Variants in EPHA3 observed in about 807,000 individuals in gnomAD.
EPHA3 encodes ephrin type-A receptor 3.
A neutral mutation model predicts 107.1 loss-of-function variants in EPHA3; 42 were observed. The ratio of observed to expected loss-of-function variants is 0.39; its 90% CI spans 0.31 to 0.51. The LOEUF (loss-of-function observed/expected upper bound fraction) is 0.51, where lower values mean the gene tolerates loss of function less well. Among genes scored for constraint, EPHA3 ranks in the 20% least tolerant of loss-of-function variants. The pLI, the probability that EPHA3 is intolerant of heterozygous loss-of-function variation, is 0.78. For missense variants in EPHA3, 1,183 were observed against 1,211.2 expected, an observed-to-expected ratio of 0.98 and a Z score of 0.35; for synonymous variants, 461 against 424.8, an observed-to-expected ratio of 1.09 and a Z score of -1.05.
At chr3:89,404,601 G>A (rs1368444841) in intron 7 of EPHA3, among the ~76,000 whole-genome samples, 1 of 152,140 alleles carries the variant, frequency 6.6e-6, no homozygotes, top group African/African-American at 2.4e-5. Flanking sequence ...AGACACCTAT[G>A]TAACTCATCA....
At chr3:89,345,958 A>G (rs1305372507) in intron 5 of EPHA3, among the ~76,000 whole-genome samples, 2 of 147,608 alleles carry the variant, frequency 1.4e-5, no homozygotes, top group Non-Finnish European at 3.0e-5. Flanking sequence ...ATCATTTTTT[A>G]TGGCTGCATA....
intron 5 of EPHA3, among the ~76,000 whole-genome samples, chr3:89,358,219 A>G (rs1708008949): frequency 6.6e-6 from 1 of 151,116 alleles, no homozygotes; most frequent in African/African-American, 2.4e-5. Flanking sequence ...TTATGGCTAC[A>G]TTGAGATATT....
intron 2 of EPHA3, among the ~76,000 whole-genome samples, chr3:89,156,023 T>C (rs773063337): frequency 6.6e-6 from 1 of 152,090 alleles, no homozygotes; most frequent in Non-Finnish European, 1.5e-5. Flanking sequence ...AGTGTGGTGA[T>C]TGTTAAACTA....
At chr3:89,242,578 C>T (rs1277954342) in intron 3 of EPHA3, among the ~76,000 whole-genome samples, 3 of 151,964 alleles carry the variant, frequency 2.0e-5, no homozygotes, top group African/African-American at 4.8e-5. Context: ...GCTGGGACTA[C>T]GGGCGCCCAC....
intron 3 of EPHA3, among the ~76,000 whole-genome samples, chr3:89,231,713 C>G (rs1291804289): frequency 6.6e-6 from 1 of 152,082 alleles, no homozygotes; most frequent in Non-Finnish European, 1.5e-5. Flanking sequence ...CCTTTCCCCA[C>G]CCATTATAAA....
At position 89,169,275 on chromosome 3, in the gene EPHA3, G is replaced by A. The variant is rs1463534493; in HGVS notation, c.154-40585G>A. 2.0e-5 allele frequency among the ~76,000 whole-genome samples: 3 copies of A among 151,572 alleles called. No individual in the cohort carries two copies. The East Asian group carries it at 5.8e-4, about 29-fold the overall frequency. On this transcript the variant is annotated intron_variant, in intron 2 of 16. Coordinates refer to ENST00000336596, the MANE Select transcript of EPHA3 (RefSeq NM_005233.6). ...TTTCTAATTTTAAAAGGTTAGTTAG[G>A]GCATCCACATTTGCAGTAAAATTTT...
At chr3:89,191,375 C>CG (rs1705713402) in intron 2 of EPHA3, among the ~76,000 whole-genome samples, 1 of 151,678 alleles carries the variant, frequency 6.6e-6, no homozygotes, top group African/African-American at 2.4e-5. Flanking sequence ...GGCACGATCT[C>CG]GGCTCACTGC....
At chr3:89,131,434 T>C (rs573602734) in intron 2 of EPHA3, among the ~76,000 whole-genome samples, 1 of 152,214 alleles carries the variant, frequency 6.6e-6, no homozygotes, top group Non-Finnish European at 1.5e-5. Context: ...ATGACTTAAA[T>C]TGATTGTACT....
chr3:89,342,398 G>T (rs1707549762), intron 5 of EPHA3, among the ~76,000 whole-genome samples: 2 of 151,962 alleles, frequency 1.3e-5, no homozygotes, highest in South Asian at 4.1e-4. Flanking sequence ...ATATTTCAGA[G>T]AACTTAGGCA....
chr3:89,370,202 G>A (rs1708270132), intron 5 of EPHA3, among the ~76,000 whole-genome samples: 1 of 150,902 alleles, frequency 6.6e-6, no homozygotes, highest in East Asian at 1.9e-4. Flanking sequence ...AAAGACACAT[G>A]CACACCTATG....
intron 2 of EPHA3, among the ~76,000 whole-genome samples, chr3:89,147,302 T>C (rs150373311): frequency 1.3e-3 from 192 of 151,724 alleles, no homozygotes; most frequent in African/African-American, 4.4e-3. Flanking sequence ...TATACCTATG[T>C]AACAAACCTG....
At chr3:89,433,160 G>A (rs192799514) in intron 13 of EPHA3, among the ~76,000 whole-genome samples, 1 of 152,156 alleles carries the variant, frequency 6.6e-6, no homozygotes, top group African/African-American at 2.4e-5. Flanking sequence ...TTGCCCAATT[G>A]TCTTTGCTGT....
chr3:89,459,491 CTCCT>C (rs58738148), intron 15 of EPHA3, among the ~76,000 whole-genome samples: 23,698 of 126,134 alleles, frequency 0.19, 2,178 homozygotes, highest in Non-Finnish European at 0.22. Context: ...CCTTCCTTCT[CTCCT>C]TCCTTCCTTC....
chr3:89,116,478 C>A (rs1362382489), intron 1 of EPHA3, among the ~76,000 whole-genome samples: 1 of 151,938 alleles, frequency 6.6e-6, no homozygotes, highest in East Asian at 1.9e-4. Context: ...TTCATAAAAG[C>A]ACTTGTATTC....
chr3:89,230,801 CT>C, intron 3 of EPHA3, among the ~76,000 whole-genome samples: 1 of 139,966 alleles, frequency 7.1e-6, no homozygotes, highest in East Asian at 2.0e-4. Context: ...CTCTCTCTCT[CT>C]CTCCCTCTCT....
chr3:89,324,554 C>T (rs1270947529), intron 3 of EPHA3, among the ~76,000 whole-genome samples: 1 of 150,978 alleles, frequency 6.6e-6, no homozygotes, highest in African/African-American at 2.4e-5. Flanking sequence ...ATTTTTTCTA[C>T]TTCTATTGCT....
intron 14 of EPHA3, 119 bp downstream of exon 14, chr3:89,449,493 C>A: frequency 2.4e-6 from 2 of 840,242 alleles, no homozygotes; most frequent in Non-Finnish European, 3.4e-6. Flanking sequence ...AAATATTTAG[C>A]AGCAATGAAA....
chr3:89,313,932 G>A (rs2107366188), intron 3 of EPHA3, among the ~76,000 whole-genome samples: 1 of 151,906 alleles, frequency 6.6e-6, no homozygotes, highest in African/African-American at 2.4e-5. Flanking sequence ...ATTCTTTTAA[G>A]AATTTAAAAT....
intron 2 of EPHA3, among the ~76,000 whole-genome samples, chr3:89,144,339 A>G (rs1172812158): frequency 6.6e-6 from 1 of 151,572 alleles, no homozygotes; most frequent in Non-Finnish European, 1.5e-5. Context: ...ATTCCTGCAC[A>G]TCTTTTCACA....
Sources: gnomAD v4.1 joint callset for allele counts (sites outside exome capture counted in the v4.1 genomes callset) on GRCh38, gnomAD v4.1.1 for gene constraint, MANE v1.5 for transcripts, NCBI Gene and HGNC (gene_info 2026-07-23, HGNC 2026-07-21) for gene names.